Variants in NWD2 observed in about 807,000 individuals in gnomAD.
NWD2 encodes the protein NACHT and WD repeat domain containing 2, also known as NACHT and WD repeat domain-containing protein 2.
Under a neutral mutation model 132.7 loss-of-function variants are expected in NWD2, and 37 were observed. That is an observed-to-expected ratio of 0.28 (90% confidence interval 0.21 to 0.37). The LOEUF (loss-of-function observed/expected upper bound fraction) is 0.37. Among genes scored for constraint, NWD2 ranks in the 10% least tolerant of loss-of-function variants. The probability of loss-of-function intolerance (pLI) is 1.00; values close to 1 mark genes in which losing one functional copy is unlikely to be tolerated. For missense variants in NWD2, 1,592 were observed against 2,122.4 expected, an observed-to-expected ratio of 0.75 and a Z score of 4.91; for synonymous variants, 705 against 803.0, an observed-to-expected ratio of 0.88 and a Z score of 2.06.
intron 1 of NWD2, among the ~76,000 whole-genome samples, chr4:37,278,775 C>G (rs1003999989): frequency 2.0e-5 from 3 of 152,114 alleles, no homozygotes; most frequent in African/African-American, 7.2e-5. Flanking sequence ...AACGCATACA[C>G]CTAAAAGGTA....
intron 1 of NWD2, among the ~76,000 whole-genome samples, chr4:37,255,394 G>A (rs1717495817): frequency 6.6e-6 from 1 of 152,166 alleles, no homozygotes; most frequent in South Asian, 2.1e-4. Context: ...CCTGCCATAT[G>A]TAAGAAGAGT....
intron 1 of NWD2, among the ~76,000 whole-genome samples, chr4:37,284,930 A>C (rs1353008091): frequency 1.3e-5 from 2 of 152,176 alleles, no homozygotes; most frequent in African/African-American, 4.8e-5. Flanking sequence ...ACCTGCCTTC[A>C]GGGATGACAC....
At chr4:37,290,093 G>A (rs1163336772) in intron 1 of NWD2, among the ~76,000 whole-genome samples, 1 of 152,164 alleles carries the variant, frequency 6.6e-6, no homozygotes, top group Non-Finnish European at 1.5e-5. Context: ...AAGCAAAAGG[G>A]AAAGGAGGGC....
At chr4:37,376,489 G>C (rs1362251521) in intron 3 of NWD2, among the ~76,000 whole-genome samples, 1 of 152,026 alleles carries the variant, frequency 6.6e-6, no homozygotes, top group Non-Finnish European at 1.5e-5. Flanking sequence ...TTTTTTGTCA[G>C]AGGCTCTAGA....
intron 1 of NWD2, among the ~76,000 whole-genome samples, chr4:37,312,008 A>G (rs1718853685): frequency 6.6e-6 from 1 of 152,030 alleles, no homozygotes; most frequent in African/African-American, 2.4e-5. Flanking sequence ...TGGTACCAGG[A>G]CCATGCTGTT....
At position 37,443,516 on chromosome 4, in the gene NWD2, G is replaced by A; in HGVS notation, c.1528G>A (p.Val510Ile). The A allele has an allele frequency of 6.4e-7, 1 of 1,551,920 alleles. No individual in the cohort carries two copies. Reference protein sequence around the residue: ...LNESSLQRPLVIIFDALEQLS... With the variant: ...LNESSLQRPLIIIFDALEQLS... ...TGAGTCTTCACTGCAGAGACCTCTA[G>A]TCATAATATTCGATGCACTAGAGCA... Residue 510 changes from valine (V) to isoleucine (I), a missense_variant, in exon 7 of 7, where the codon GTC becomes ATC. This residue lies in a region of NWD2 where 1,071 missense variants were observed against 1,398.0 expected (regional missense o/e 0.77). Coordinates refer to ENST00000309447, the MANE Select transcript of NWD2 (RefSeq NM_001144990.2). This position sits in a 1 kb window ranked among gnomAD's most constrained non-coding sequence, Gnocchi z 4.1.
At position 37,434,005 on chromosome 4, in the gene NWD2, A is replaced by T; in HGVS notation, c.691A>T (p.Arg231Trp). The T allele has an allele frequency of 1.3e-6, 2 of 1,548,330 alleles. No individual in the cohort carries two copies. Among genetic ancestry groups the T allele is most frequent in the Non-Finnish European group, 1.7e-6 (2 of 1,145,360 alleles). Reference sequence around the variant, plus strand: ...TAAAATGAAACACAGCCAGGCTAAGAGGTACCTGTTCTCAGGTAATTTTCC... The same window carrying T: ...TAAAATGAAACACAGCCAGGCTAAGTGGTACCTGTTCTCAGGTAATTTTCC... ...KGKMKHSQAK[R>W]YLFSAIEDEF... Residue 231 changes from arginine to tryptophan, a missense_variant, in exon 5 of 7, where the codon AGG becomes TGG. Transcript: ENST00000309447.
At chr4:37,280,290 A>T (rs1656187) in intron 1 of NWD2, among the ~76,000 whole-genome samples, 65,431 of 152,048 alleles carry the variant, frequency 0.43, 15,042 homozygotes, top group Non-Finnish European at 0.52. Context: ...GACTAATAAG[A>T]TCATTATTTA....
At chr4:37,432,409 A>T (rs1712206187) in intron 4 of NWD2, among the ~76,000 whole-genome samples, 1 of 151,580 alleles carries the variant, frequency 6.6e-6, no homozygotes, top group Non-Finnish European at 1.5e-5. Context: ...CGTGAAACTG[A>T]TCATAATCAT....
chr4:37,415,076 T>C (rs1170484745), intron 3 of NWD2, among the ~76,000 whole-genome samples: 1 of 152,318 alleles, frequency 6.6e-6, no homozygotes, highest in South Asian at 2.1e-4. Flanking sequence ...AATGAAAGTA[T>C]AAAAGGCAAT....
chr4:37,305,133 C>T (rs186491191), intron 1 of NWD2, among the ~76,000 whole-genome samples: 24 of 152,348 alleles, frequency 1.6e-4, no homozygotes, highest in African/African-American at 4.3e-4. Flanking sequence ...TGTGAAGCCA[C>T]GGCCTGAGCT....
At chr4:37,382,387 T>G (rs1720470383) in intron 3 of NWD2, among the ~76,000 whole-genome samples, 1 of 152,194 alleles carries the variant, frequency 6.6e-6, no homozygotes, top group Non-Finnish European at 1.5e-5. Flanking sequence ...AGATTGATTT[T>G]GGCCCTCTGT....
At chr4:37,401,688 G>A (rs541802997) in intron 3 of NWD2, among the ~76,000 whole-genome samples, 1 of 152,242 alleles carries the variant, frequency 6.6e-6, no homozygotes, top group South Asian at 2.1e-4. Context: ...TAAGCCTGAA[G>A]GTCTTCTACT....
At chr4:37,283,032 A>G (rs933765773) in intron 1 of NWD2, among the ~76,000 whole-genome samples, 1 of 152,140 alleles carries the variant, frequency 6.6e-6, no homozygotes. Flanking sequence ...GTGTTGTCGC[A>G]CCAGGGACTC....
chr4:37,256,359 C>T (rs528191109), intron 1 of NWD2, among the ~76,000 whole-genome samples: 4 of 152,124 alleles, frequency 2.6e-5, no homozygotes, highest in Non-Finnish European at 4.4e-5. Flanking sequence ...AATTCCCTTG[C>T]CCAGATGACA....
chr4:37,245,823 CAGT>C (rs1717233457), intron 1 of NWD2, among the ~76,000 whole-genome samples: 2 of 152,168 alleles, frequency 1.3e-5, no homozygotes, highest in South Asian at 4.1e-4. Flanking sequence ...GGGCTCATCT[CAGT>C]TGGGTCACAG....
chr4:37,336,129 GTC>G lies in NWD2; in HGVS notation c.240+10106_240+10107del, dbSNP rs150005556. On this transcript the variant is annotated intron_variant, in intron 2 of 6. Transcript: ENST00000309447. ...TCTTTTTAGCTTTAAGAAGAGTATA[GTC>G]ATCTTTTTTCAAATGAGCATATTTT... 2.2e-3 allele frequency among the ~76,000 whole-genome samples: 337 copies of G among 152,008 alleles called. 2 individuals are homozygous for G. Among genetic ancestry groups the G allele is most frequent in the Non-Finnish European group, 4.4e-3 (296 of 67,988 alleles).
At chr4:37,341,096 ACATT>A (rs1719509413) in intron 2 of NWD2, among the ~76,000 whole-genome samples, 1 of 152,248 alleles carries the variant, frequency 6.6e-6, no homozygotes, top group South Asian at 2.1e-4. Context: ...AAAGTGATAC[ACATT>A]CAGTAGAAAC....
At chr4:37,371,628 A>AATTATTGTTGAC (rs1418200706) in intron 3 of NWD2, among the ~76,000 whole-genome samples, 1 of 152,222 alleles carries the variant, frequency 6.6e-6, no homozygotes, top group East Asian at 1.9e-4. Context: ...TGTAATCAAT[A>AATTATTGTTGAC]ATTATTGTTG....
Sources: allele counts gnomAD v4.1 joint callset (sites outside exome capture counted in the v4.1 genomes callset), GRCh38; gene constraint gnomAD v4.1.1; regional missense constraint gnomAD v4.1.1; non-coding constraint Gnocchi (gnomAD v3.1); transcripts MANE v1.5; gene names NCBI Gene and HGNC (gene_info 2026-07-23, HGNC 2026-07-21).